Variants in PTPN5 observed in about 807,000 individuals in gnomAD.
PTPN5 encodes the protein tyrosine-protein phosphatase non-receptor type 5.
Under a neutral mutation model 73.9 loss-of-function variants are expected in PTPN5, and 29 were observed. That is an observed-to-expected ratio of 0.39 (90% confidence interval 0.29 to 0.54). The LOEUF (loss-of-function observed/expected upper bound fraction) is 0.54, where lower values mean the gene tolerates loss of function less well. PTPN5 is among the 20% of genes least tolerant of loss of function. The pLI, the probability that PTPN5 is intolerant of heterozygous loss-of-function variation, is 0.65. For missense variants in PTPN5, 652 were observed against 751.4 expected (o/e 0.87, Z 1.55); for synonymous variants, 267 against 304.7 (o/e 0.88, Z 1.29).
In PTPN5 at chr11:18,743,375, C is replaced by T. The variant is rs1037962955; in HGVS notation, c.346G>A (p.Ala116Thr). 20 of 1,614,010 alleles carry T rather than the reference C, an allele frequency of 1.2e-5. No homozygotes were observed. Among genetic ancestry groups the T allele is most frequent in the East Asian group, 8.9e-5 (4 of 44,876 alleles). ...AGCAAAGAGGAGACGAGGTTTGTGG[C>T]GTTCTGTGACCAGATGTGGCCATAA... Reference protein sequence around the residue: ...SGYGHIWSQNATNLVSSLLTL... With the variant: ...SGYGHIWSQNTTNLVSSLLTL... Residue 116 changes from alanine to threonine, a missense_variant, in exon 5 of 15, where the codon GCC (alanine) becomes ACC (threonine). Ala to Thr is a moderately conservative substitution (Grantham distance 58, BLOSUM62 0). Coordinates refer to ENST00000358540, the MANE Select transcript of PTPN5 (RefSeq NM_006906.2).
At chr11:18,752,578 C>G (rs2134255891) in intron 3 of PTPN5, among the ~76,000 whole-genome samples, 1 of 152,256 alleles carries the variant, frequency 6.6e-6, no homozygotes, top group Admixed American at 6.5e-5. Flanking sequence ...AACAAGCTTT[C>G]AAAACAAAAC....
intron 1 of PTPN5, among the ~76,000 whole-genome samples, chr11:18,780,947 G>T (rs947326493): frequency 1.3e-5 from 2 of 152,158 alleles, no homozygotes; most frequent in Non-Finnish European, 1.5e-5. Flanking sequence ...AGAGGGAAGG[G>T]CTGCTGCATG....
In PTPN5 at chr11:18,729,268, GC is replaced by G. The variant is rs111947908; in HGVS notation, c.1604+184del. Among the ~76,000 whole-genome samples, 6,964 of 151,892 alleles carry G rather than the reference GC, an allele frequency of 0.046. 257 individuals carry two copies. The highest frequency in any genetic ancestry group is 0.19 in the East Asian group (986 of 5,132). On this transcript the variant is annotated intron_variant, in intron 14 of 14. Coordinates refer to ENST00000358540, the MANE Select transcript of PTPN5 (RefSeq NM_006906.2). This position sits in a 1 kb window ranked among gnomAD's most constrained non-coding sequence, Gnocchi z 5.2. Reference sequence around the variant, plus strand: ...TCTGCTTTTCTTCCCTCTTCATCTGGCCCCCCACTGTCTGGATCCTGCCCCT... The same window carrying G: ...TCTGCTTTTCTTCCCTCTTCATCTGGCCCCCACTGTCTGGATCCTGCCCCT...
intron 1 of PTPN5, among the ~76,000 whole-genome samples, chr11:18,777,183 A>AACAC (rs377067148): frequency 3.3e-5 from 5 of 150,220 alleles, no homozygotes; most frequent in African/African-American, 1.2e-4. Flanking sequence ...CAAACAAACA[A>AACAC]CACCATAAAA....
At chr11:18,776,587 C>G (rs567635964) in intron 1 of PTPN5, among the ~76,000 whole-genome samples, 1 of 152,120 alleles carries the variant, frequency 6.6e-6, no homozygotes, top group East Asian at 1.9e-4. Flanking sequence ...TCACCTCTCA[C>G]TAGAACCATA....
rs994240015 is a variant in PTPN5, at chr11:18,733,451, A to G, written c.1081-79T>C. On this transcript the variant is annotated intron_variant, in intron 10 of 14. Transcript: ENST00000358540. The surrounding 1 kb of genome is among the most constrained non-coding windows in gnomAD (Gnocchi z 4.3). ...CCATCCCCACACTCAGGCTCTTCAC[A>G]GGAGCTGGCAGGAGCCAGACTGGTG... 6.2e-7 allele frequency: 1 copy of G among 1,609,758 alleles called. No individual in the cohort carries two copies. Among genetic ancestry groups the G allele is most frequent in the African/African-American group, 1.3e-5 (1 of 74,898 alleles).
intron 2 of PTPN5, among the ~76,000 whole-genome samples, chr11:18,768,147 A>T (rs1590587640): frequency 2.6e-5 from 4 of 152,198 alleles, no homozygotes; most frequent in Admixed American, 2.6e-4. Flanking sequence ...GTAAATGTTG[A>T]CCTGACGTTC....
rs1358061745 is a variant in PTPN5 at position 18,740,715 on chromosome 11, G to A, written c.803C>T (p.Ser268Phe). The change falls in exon 8 of 15, where the codon TCC becomes TTC. Residue 268 changes from serine to phenylalanine, a missense_variant. By Grantham distance (155) the Ser-to-Phe change is radical. Transcript: ENST00000358540. ...CTCGCGGGCGGACTCCTCACGTGGGGACATGAGATAGCCAAAGCCCTCCTC... is the reference window on the plus strand; with the variant it reads ...CTCGCGGGCGGACTCCTCACGTGGGAACATGAGATAGCCAAAGCCCTCCTC... ...CNEEGFGYLMSPREESAREYL... is the reference protein window; with the variant it reads ...CNEEGFGYLMFPREESAREYL... 22 of 1,606,382 alleles carry A rather than the reference G, an allele frequency of 1.4e-5. No homozygotes were observed. The highest frequency in any genetic ancestry group is 1.9e-5 in the Non-Finnish European group (22 of 1,175,930).
chr11:18,778,515 C>T (rs778304139), intron 1 of PTPN5, among the ~76,000 whole-genome samples: 7 of 152,188 alleles, frequency 4.6e-5, no homozygotes, highest in Admixed American at 3.3e-4. Flanking sequence ...TGGTGGGTCA[C>T]GGAGGCAGAT....
intron 7 of PTPN5, 73 bp from the exon 8 acceptor site, chr11:18,740,865 G>A: frequency 1.0e-6 from 1 of 968,504 alleles, no homozygotes; most frequent in Non-Finnish European, 1.5e-6. Flanking sequence ...CTCCAGGGCT[G>A]GGAAAATGAG....
intron 1 of PTPN5, among the ~76,000 whole-genome samples, chr11:18,782,250 T>G (rs56245438): frequency 3.3e-5 from 5 of 151,254 alleles, no homozygotes; most frequent in Admixed American, 3.3e-4. Context: ...TTTTTGGAGA[T>G]GGAGTCTCGT....
At chr11:18,762,149 A>G (rs1850424751) in intron 3 of PTPN5, among the ~76,000 whole-genome samples, 1 of 152,038 alleles carries the variant, frequency 6.6e-6, no homozygotes, top group Non-Finnish European at 1.5e-5. Flanking sequence ...ATGGGACTGT[A>G]TGACCTGTCC....
chr11:18,734,197 C>T (rs1485596980), intron 9 of PTPN5, among the ~76,000 whole-genome samples: 2 of 152,174 alleles, frequency 1.3e-5, no homozygotes, highest in African/African-American at 4.8e-5. Context: ...TGTTAAGATT[C>T]GGGAGTAGAA....
intron 11 of PTPN5, 91 bp from the exon 12 acceptor site, chr11:18,732,793 G>T: frequency 9.6e-7 from 1 of 1,040,380 alleles, no homozygotes; most frequent in Non-Finnish European, 1.5e-6. Flanking sequence ...AGATACACAA[G>T]GGCAACAGGG....
rs1298657157 is a variant in PTPN5 at position 18,763,270 on chromosome 11, T to G, written c.97+2537A>C. Reference sequence around the variant, plus strand: ...GTCTGGAACAAACGCACCTAAACTCTTTCTGCCTCAGTCCACAGGGTGCCA... The same window carrying G: ...GTCTGGAACAAACGCACCTAAACTCGTTCTGCCTCAGTCCACAGGGTGCCA... On this transcript the variant is annotated intron_variant, in intron 3 of 14. Transcript: ENST00000358540. 4.6e-5 allele frequency among the ~76,000 whole-genome samples: 7 copies of G among 152,176 alleles called. No individual in the cohort carries two copies. In the East Asian group the frequency reaches 1.3e-3, roughly 29 times the overall value.
intron 3 of PTPN5, among the ~76,000 whole-genome samples, chr11:18,753,944 T>C (rs769642603): frequency 4.6e-5 from 7 of 152,108 alleles, no homozygotes; most frequent in Non-Finnish European, 7.4e-5. Context: ...ATTAAAAATA[T>C]AGACACAAAA....
chr11:18,783,999 C>T (rs1045790120), intron 1 of PTPN5, among the ~76,000 whole-genome samples: 1 of 152,164 alleles, frequency 6.6e-6, no homozygotes, highest in Non-Finnish European at 1.5e-5. Context: ...AGAACCCAAA[C>T]AACATTTAGT....
At chr11:18,743,473 C>T (rs774843133) in intron 4 of PTPN5, 44 bp from the exon 5 acceptor site, 1 of 1,536,156 alleles carries the variant, frequency 6.5e-7, no homozygotes, top group South Asian at 1.1e-5. Context: ...CGGCCCCCTT[C>T]CCCCGTGTTC....
At chr11:18,776,195 C>T (rs1277098901) in intron 1 of PTPN5, among the ~76,000 whole-genome samples, 1 of 152,190 alleles carries the variant, frequency 6.6e-6, no homozygotes, top group Non-Finnish European at 1.5e-5. Flanking sequence ...AAGGTGTGAT[C>T]ACACTTCTTG....
Sources: gnomAD v4.1 joint callset for allele counts (sites outside exome capture counted in the v4.1 genomes callset) on GRCh38, gnomAD v4.1.1 for gene constraint, Gnocchi (gnomAD v3.1) non-coding constraint, MANE v1.5 for transcripts, NCBI Gene and HGNC (gene_info 2026-07-23, HGNC 2026-07-21) for gene names.